Variants in CTNND2 observed in about 807,000 individuals in gnomAD.
CTNND2 encodes the protein catenin delta-2.
Under a neutral mutation model 144.4 loss-of-function variants are expected in CTNND2, and 22 were observed. The ratio of observed to expected loss-of-function variants is 0.15; its 90% CI spans 0.11 to 0.22. CTNND2 has a LOEUF of 0.22. Among genes scored for constraint, CTNND2 ranks in the 10% least tolerant of loss-of-function variants. CTNND2 has a pLI of 1.00. For synonymous variants in CTNND2, 751 were observed against 695.6 expected (o/e 1.08, Z -1.25); for missense variants, 1,353 against 1,618.8 (o/e 0.84, Z 2.82).
At chr5:11,594,424 ACAGGC>A (rs1241803433) in intron 2 of CTNND2, among the ~76,000 whole-genome samples, 100 of 152,320 alleles carry the variant, frequency 6.6e-4, no homozygotes, top group African/African-American at 2.4e-3. Context: ...GAAAGCTATA[ACAGGC>A]ATGCATGTAT....
chr5:11,123,613 C>A (rs1043945671), intron 12 of CTNND2, among the ~76,000 whole-genome samples: 4 of 152,226 alleles, frequency 2.6e-5, no homozygotes, highest in African/African-American at 9.6e-5. Context: ...AGCCCTGTGG[C>A]TTCTCAAACC....
chr5:11,531,995 G>A (rs781319017), intron 3 of CTNND2, among the ~76,000 whole-genome samples: 8 of 152,132 alleles, frequency 5.3e-5, no homozygotes, highest in Non-Finnish European at 1.0e-4. Context: ...CAGCTGCTGG[G>A]TGTGCAGCTG....
intron 1 of CTNND2, among the ~76,000 whole-genome samples, chr5:11,870,985 G>C (rs1188888075): frequency 6.6e-6 from 1 of 152,192 alleles, no homozygotes; most frequent in Non-Finnish European, 1.5e-5. Context: ...GGTATTTGGA[G>C]ACAGGGGTCT....
At chr5:11,855,326 C>T (rs1456475450) in intron 1 of CTNND2, among the ~76,000 whole-genome samples, 2 of 152,122 alleles carry the variant, frequency 1.3e-5, no homozygotes, top group Non-Finnish European at 2.9e-5. Context: ...TGTGTATAAC[C>T]TTGGACCAGT....
chr5:11,424,589 G>A (rs564200237), intron 3 of CTNND2, among the ~76,000 whole-genome samples: 1 of 152,040 alleles, frequency 6.6e-6, no homozygotes, highest in East Asian at 1.9e-4. Context: ...GAGGGGCTAG[G>A]CGAAGTTAGA....
chr5:11,073,017 G>T (rs1027656791), intron 16 of CTNND2, among the ~76,000 whole-genome samples: 3 of 152,170 alleles, frequency 2.0e-5, no homozygotes, highest in Non-Finnish European at 2.9e-5. Flanking sequence ...AGCTGTCCTT[G>T]CCTGCTCCGT....
At chr5:11,386,938 G>C (rs1759144124) in intron 6 of CTNND2, among the ~76,000 whole-genome samples, 1 of 152,118 alleles carries the variant, frequency 6.6e-6, no homozygotes, top group African/African-American at 2.4e-5. Flanking sequence ...GAGTCATTGA[G>C]GGGGTGGCTT....
intron 3 of CTNND2, among the ~76,000 whole-genome samples, chr5:11,561,443 A>G (rs1401680493): frequency 2.0e-5 from 3 of 152,232 alleles, no homozygotes; most frequent in Non-Finnish European, 4.4e-5. Flanking sequence ...TTTCCAGATG[A>G]CTCAGAACCC....
intron 6 of CTNND2, among the ~76,000 whole-genome samples, chr5:11,388,465 G>A (rs1268079639): frequency 6.6e-6 from 1 of 152,138 alleles, no homozygotes; most frequent in Non-Finnish European, 1.5e-5. Context: ...TGTGACTAGT[G>A]GCCACCTTCT....
At chr5:11,211,354 GC>G (rs62877260) in intron 10 of CTNND2, among the ~76,000 whole-genome samples, 65,090 of 151,982 alleles carry the variant, frequency 0.43, 14,184 homozygotes, top group African/African-American at 0.48. Flanking sequence ...CTAACTCATT[GC>G]TTTTAAAGAC....
At chr5:11,685,906 C>T (rs960483216) in intron 2 of CTNND2, among the ~76,000 whole-genome samples, 2 of 152,040 alleles carry the variant, frequency 1.3e-5, no homozygotes, top group South Asian at 2.1e-4. Flanking sequence ...CATAAATAAG[C>T]GTAAAGATTC....
At chr5:11,070,895 G>C (rs2973525) in intron 16 of CTNND2, among the ~76,000 whole-genome samples, 149,830 of 151,978 alleles carry the variant, frequency 0.99, 73,865 homozygotes, top group East Asian at 1. Flanking sequence ...TGAAGAGGAC[G>C]TGAAATAAAA....
At position 11,041,854 on chromosome 5, in the gene CTNND2, A is replaced by G. The variant is rs1038879479; in HGVS notation, c.2789-18875T>C. 3.3e-5 allele frequency among the ~76,000 whole-genome samples: 5 copies of G among 152,196 alleles called. No individual in the cohort carries two copies. In the East Asian group the frequency reaches 7.7e-4, roughly 23 times the overall value. On this transcript the variant is annotated intron_variant, in intron 16 of 21. Coordinates refer to ENST00000304623, the MANE Select transcript of CTNND2 (RefSeq NM_001332.4). ...GGTGCTATGTTATAAATAGGGTTTC[A>G]CTGCAACATAAATGCAGGAAATACT...
intron 16 of CTNND2, among the ~76,000 whole-genome samples, chr5:11,057,375 G>A (rs111688744): frequency 5.3e-5 from 8 of 152,188 alleles, no homozygotes; most frequent in African/African-American, 1.7e-4. Context: ...GGTCTTTCTC[G>A]TGCTGTTCTC....
intron 9 of CTNND2, among the ~76,000 whole-genome samples, chr5:11,325,862 G>A (rs1050033580): frequency 6.6e-6 from 1 of 151,920 alleles, no homozygotes; most frequent in African/African-American, 2.4e-5. Context: ...CAACATAGGA[G>A]ACCACTGGCC....
chr5:11,313,660 T>A (rs2150056515), intron 9 of CTNND2, among the ~76,000 whole-genome samples: 1 of 152,278 alleles, frequency 6.6e-6, no homozygotes, highest in Non-Finnish European at 1.5e-5. Context: ...GCCTGGAGAA[T>A]CCTGTGGTTT....
At chr5:11,776,952 A>G (rs1258309568) in intron 1 of CTNND2, among the ~76,000 whole-genome samples, 1 of 152,216 alleles carries the variant, frequency 6.6e-6, no homozygotes, top group South Asian at 2.1e-4. Flanking sequence ...CACACTCCTA[A>G]TAAAAACAGT....
At chr5:11,443,736 A>G (rs1764548175) in intron 3 of CTNND2, among the ~76,000 whole-genome samples, 1 of 152,156 alleles carries the variant, frequency 6.6e-6, no homozygotes, top group African/African-American at 2.4e-5. Context: ...TCACTTGGAA[A>G]TCACATGAAA....
chr5:11,295,118 G>A (rs1052258061), intron 9 of CTNND2, among the ~76,000 whole-genome samples: 2 of 151,594 alleles, frequency 1.3e-5, no homozygotes, highest in African/African-American at 2.4e-5. Flanking sequence ...TAAGCTGATA[G>A]GCAACTTCAG....
Sources: allele counts gnomAD v4.1 joint callset (sites outside exome capture counted in the v4.1 genomes callset), GRCh38; gene constraint gnomAD v4.1.1; transcripts MANE v1.5; gene names NCBI Gene and HGNC (gene_info 2026-07-23, HGNC 2026-07-21).